RELN: variants seen among roughly 807,000 people sequenced by gnomAD.
RELN encodes the protein reelin.
A neutral mutation model predicts 427.6 loss-of-function variants in RELN; 108 were observed. The ratio of observed to expected loss-of-function variants is 0.25; its 90% CI spans 0.22 to 0.30. The LOEUF (loss-of-function observed/expected upper bound fraction) is 0.30. RELN is among the 10% of genes least tolerant of loss of function. The pLI, the probability that RELN is intolerant of heterozygous loss-of-function variation, is 1.00. For synonymous variants in RELN, 1,524 were observed against 1,513.4 expected, an observed-to-expected ratio of 1.01 and a Z score of -0.16; for missense variants, 3,715 against 4,302.8, an observed-to-expected ratio of 0.86 and a Z score of 3.82.
chr7:103,972,381 G>A (rs1005634335), intron 1 of RELN, among the ~76,000 whole-genome samples: 4 of 152,304 alleles, frequency 2.6e-5, no homozygotes, highest in South Asian at 2.1e-4. Flanking sequence ...CCTCCCTTGC[G>A]CTGGAAGAGC....
chr7:103,928,185 A>G (rs1795787404), intron 1 of RELN, among the ~76,000 whole-genome samples: 1 of 152,230 alleles, frequency 6.6e-6, no homozygotes, highest in Non-Finnish European at 1.5e-5. Flanking sequence ...TCCAGTATCA[A>G]TTAAAATACC....
chr7:103,498,127 T>C lies in RELN; in HGVS notation c.8793A>G (p.Gly2931=), dbSNP rs1363865603. 6.2e-7 allele frequency: 1 copy of C among 1,613,970 alleles called. No homozygotes were observed. Among genetic ancestry groups the C allele is most frequent in the Non-Finnish European group, 8.5e-7 (1 of 1,180,012 alleles). The change falls in exon 54 of 65, where the codon GGA becomes GGG. Residue 2931 remains glycine, a synonymous_variant. Coordinates refer to ENST00000428762, the MANE Select transcript of RELN (RefSeq NM_005045.4). ...LAEDTALYFG[G]STVRQAVTQD... ...GTGTAACCGCTTGTCTCACAGTGGA[T>C]CCCCCAAAATAGAGTGCAGTGTCCT...
chr7:103,794,970 A>G (rs983244290), intron 3 of RELN, among the ~76,000 whole-genome samples: 1 of 152,222 alleles, frequency 6.6e-6, no homozygotes, highest in Admixed American at 6.5e-5. Context: ...CTGAATACAT[A>G]TGCATTTTGA....
intron 11 of RELN, among the ~76,000 whole-genome samples, chr7:103,681,812 G>T (rs1833658161): frequency 6.6e-6 from 1 of 152,058 alleles, no homozygotes; most frequent in Non-Finnish European, 1.5e-5. Flanking sequence ...GAAAGATTTT[G>T]TATTCTATAA....
intron 16 of RELN, among the ~76,000 whole-genome samples, chr7:103,645,906 T>C (rs2117375247): frequency 6.6e-6 from 1 of 151,856 alleles, no homozygotes; most frequent in East Asian, 1.9e-4. Context: ...TCAATAAATT[T>C]TAAGAAATCA....
intron 2 of RELN, among the ~76,000 whole-genome samples, chr7:103,884,987 T>C (rs1794692155): frequency 6.6e-6 from 1 of 152,150 alleles, no homozygotes; most frequent in Non-Finnish European, 1.5e-5. Flanking sequence ...CACACATATG[T>C]TTCTTGCAGC....
chr7:103,501,212 G>C (rs1352381628), intron 52 of RELN, among the ~76,000 whole-genome samples: 1 of 152,166 alleles, frequency 6.6e-6, no homozygotes, highest in Non-Finnish European at 1.5e-5. Flanking sequence ...ACACAAATCT[G>C]TAACTTTCAT....
intron 2 of RELN, among the ~76,000 whole-genome samples, chr7:103,851,130 T>C (rs1035610535): frequency 2.6e-5 from 4 of 152,184 alleles, no homozygotes; most frequent in Admixed American, 2.0e-4. Flanking sequence ...TGTACATATA[T>C]ATATGATGGA....
chr7:103,635,714 A>C (rs2117349480), intron 18 of RELN, 128 bp from the exon 19 acceptor site: 1 of 726,908 alleles, frequency 1.4e-6, no homozygotes, highest in Admixed American at 2.3e-5. Flanking sequence ...AAGTAATTTC[A>C]TTGTTAGATA....
chr7:103,931,798 AG>A (rs1489536319), intron 1 of RELN, among the ~76,000 whole-genome samples: 4 of 152,180 alleles, frequency 2.6e-5, no homozygotes, highest in African/African-American at 7.2e-5. Flanking sequence ...TCCACTGTCC[AG>A]GCAGCACTAC....
At chr7:103,764,608 C>T (rs926191818) in intron 4 of RELN, among the ~76,000 whole-genome samples, 4 of 151,716 alleles carry the variant, frequency 2.6e-5, no homozygotes, top group East Asian at 1.9e-4. Context: ...GAGGCTGAGG[C>T]GAGTGGATCA....
chr7:103,725,683 A>C (rs1339745814), intron 7 of RELN, among the ~76,000 whole-genome samples: 1 of 152,216 alleles, frequency 6.6e-6, no homozygotes, highest in African/African-American at 2.4e-5. Context: ...TGAGAAAATG[A>C]ATTCCTTTTT....
At chr7:103,623,066 CATTAT>C (rs1243661770) in intron 20 of RELN, among the ~76,000 whole-genome samples, 1 of 152,148 alleles carries the variant, frequency 6.6e-6, no homozygotes, top group Non-Finnish European at 1.5e-5. Context: ...AAATCTATTC[CATTAT>C]GTTAGCCATT....
intron 8 of RELN, among the ~76,000 whole-genome samples, chr7:103,711,365 A>C (rs1465013692): frequency 6.6e-6 from 1 of 152,210 alleles, no homozygotes; most frequent in Non-Finnish European, 1.5e-5. Flanking sequence ...ACCTCTGTAC[A>C]GAGCTTGCAC....
intron 6 of RELN, among the ~76,000 whole-genome samples, chr7:103,748,155 G>C (rs1381284667): frequency 8.9e-6 from 1 of 111,982 alleles, no homozygotes; most frequent in Admixed American, 8.9e-5. Context: ...TTTTTTTTTT[G>C]GCTTCTTATT....
Position 103,728,143 on chromosome 7 carries a change from T to C in RELN, c.721A>G (p.Thr241Ala). The C allele has an allele frequency of 6.2e-7, 1 of 1,613,900 alleles. No individual in the cohort carries two copies. Among genetic ancestry groups the C allele is most frequent in the Non-Finnish European group, 8.5e-7 (1 of 1,179,902 alleles). The change falls in exon 7 of 65, where the codon ACC (threonine) becomes GCC (alanine). Residue 241 changes from threonine (T) to alanine (A), a missense_variant. By Grantham distance (58) the Thr-to-Ala change is moderately conservative. Transcript: ENST00000428762. ...CGTGGGCCATATGGTTCACAGAAGG[T>C]GACGGCATTGCCATGCATAATCGCG... The part of the protein sequence containing the change: ...CGAIMHGNAV[T>A]FCEPYGPREL...
At chr7:103,926,627 GTTTTT>G (rs60259062) in intron 1 of RELN, among the ~76,000 whole-genome samples, 13 of 99,468 alleles carry the variant, frequency 1.3e-4, no homozygotes, top group African/African-American at 4.6e-4. Flanking sequence ...AGTATCATAA[GTTTTT>G]TTTTTTTTTT....
At chr7:103,942,133 G>A (rs944870681) in intron 1 of RELN, among the ~76,000 whole-genome samples, 2 of 151,954 alleles carry the variant, frequency 1.3e-5, no homozygotes, top group African/African-American at 4.8e-5. Flanking sequence ...CAATCACCTC[G>A]CATACTTATA....
At chr7:103,732,183 G>T (rs1259492722) in intron 6 of RELN, among the ~76,000 whole-genome samples, 2 of 152,208 alleles carry the variant, frequency 1.3e-5, no homozygotes, top group East Asian at 3.9e-4. Flanking sequence ...TTGAAATCAT[G>T]GGAGTGTATA....
Sources: allele counts gnomAD v4.1 joint callset (sites outside exome capture counted in the v4.1 genomes callset), GRCh38; gene constraint gnomAD v4.1.1; transcripts MANE v1.5; gene names NCBI Gene and HGNC (gene_info 2026-07-23, HGNC 2026-07-21).